Variants in ENTREP2 observed in about 807,000 individuals in gnomAD.
The protein encoded by ENTREP2 is endosomal transmembrane epsin interactor 2.
chr15:29,404,573 C>G, the ENTREP2 span, among the ~76,000 whole-genome samples: 1 of 151,756 alleles, frequency 6.6e-6, no homozygotes. Context: ...CCCCCACTCA[C>G]ACTCCCCAGC....
At chr15:29,612,995 G>A in the ENTREP2 span, among the ~76,000 whole-genome samples, 6 of 152,270 alleles carry the variant, frequency 3.9e-5, no homozygotes, top group East Asian at 1.9e-4. Flanking sequence ...GTGATGCTAC[G>A]ACCTGAATTT....
chr15:29,547,821 A>G, the ENTREP2 span, among the ~76,000 whole-genome samples: 1 of 152,238 alleles, frequency 6.6e-6, no homozygotes, highest in African/African-American at 2.4e-5. Context: ...CACAATAGCC[A>G]AGAGGTGGAA....
At chr15:29,576,275 G>A in the ENTREP2 span, among the ~76,000 whole-genome samples, 29 of 152,264 alleles carry the variant, frequency 1.9e-4, no homozygotes, top group African/African-American at 6.3e-4. Flanking sequence ...AACTGGACTT[G>A]TACTTACAAA....
the ENTREP2 span, among the ~76,000 whole-genome samples, chr15:29,661,451 G>A: frequency 1.2e-4 from 19 of 152,152 alleles, no homozygotes; most frequent in African/African-American, 3.1e-4. Flanking sequence ...TGCCCGCCTC[G>A]GCCTCCCAAA....
the ENTREP2 span, among the ~76,000 whole-genome samples, chr15:29,245,711 G>A: frequency 6.6e-6 from 1 of 151,896 alleles, no homozygotes; most frequent in Non-Finnish European, 1.5e-5. Flanking sequence ...AGAAATATAA[G>A]CAACTTATAA....
the ENTREP2 span, among the ~76,000 whole-genome samples, chr15:29,385,847 T>C: frequency 2.0e-5 from 3 of 152,128 alleles, no homozygotes; most frequent in Non-Finnish European, 2.9e-5. Flanking sequence ...CCCCATCCTG[T>C]GCCCATAAAA....
the ENTREP2 span, among the ~76,000 whole-genome samples, chr15:29,628,830 A>G: frequency 2.0e-5 from 3 of 152,172 alleles, no homozygotes; most frequent in East Asian, 5.8e-4. Context: ...ACTCACTGCA[A>G]CCTCTACCTC....
the ENTREP2 span, among the ~76,000 whole-genome samples, chr15:29,646,296 G>A: frequency 7.2e-5 from 11 of 152,302 alleles, no homozygotes; most frequent in East Asian, 1.4e-3. Flanking sequence ...TCACAAAGCT[G>A]ATATTGAGGT....
At chr15:29,198,811 T>C in the ENTREP2 span, among the ~76,000 whole-genome samples, 11 of 152,358 alleles carry the variant, frequency 7.2e-5, no homozygotes, top group African/African-American at 2.2e-4. Flanking sequence ...TTTACCACTA[T>C]AGTTTAGTTT....
the ENTREP2 span, among the ~76,000 whole-genome samples, chr15:29,581,414 C>T: frequency 6.6e-6 from 1 of 152,158 alleles, no homozygotes; most frequent in Non-Finnish European, 1.5e-5. Flanking sequence ...GGGCCACCCA[C>T]ATTATGGAGG....
chr15:29,595,623 G>A, the ENTREP2 span, among the ~76,000 whole-genome samples: 6 of 152,200 alleles, frequency 3.9e-5, no homozygotes, highest in African/African-American at 1.4e-4. Context: ...CTTCTTAAGA[G>A]CAGCTACACA....
the ENTREP2 span, among the ~76,000 whole-genome samples, chr15:29,207,403 G>A: frequency 2.4e-4 from 31 of 130,060 alleles, no homozygotes; most frequent in South Asian, 7.3e-3. Context: ...CGAAGAGCAA[G>A]AGAACAGATC....
the ENTREP2 span, among the ~76,000 whole-genome samples, chr15:29,593,047 A>G: frequency 2.0e-5 from 3 of 152,268 alleles, no homozygotes; most frequent in East Asian, 5.8e-4. Flanking sequence ...CCAGCCTCAG[A>G]TATTCATTAC....
the ENTREP2 span, among the ~76,000 whole-genome samples, chr15:29,131,143 G>T: frequency 0.022 from 3,336 of 152,282 alleles, 111 homozygotes; most frequent in African/African-American, 0.077. Flanking sequence ...ACTCCTGGGT[G>T]AGGCCAACCA....
At chr15:29,587,846 ACGGG>A in the ENTREP2 span, among the ~76,000 whole-genome samples, 1 of 152,014 alleles carries the variant, frequency 6.6e-6, no homozygotes, top group African/African-American at 2.4e-5. Context: ...TTTAGTAGAA[ACGGG>A]GTTTCACCAT....
chr15:29,629,498 C>T, the ENTREP2 span, among the ~76,000 whole-genome samples: 58 of 151,932 alleles, frequency 3.8e-4, no homozygotes, highest in African/African-American at 1.3e-3. Flanking sequence ...CTAGGTATAC[C>T]AAAATATATG....
the ENTREP2 span, among the ~76,000 whole-genome samples, chr15:29,338,071 A>G: frequency 5.9e-5 from 9 of 152,144 alleles, no homozygotes; most frequent in African/African-American, 2.2e-4. Context: ...ATCATCATAC[A>G]TGTACGTATA....
chr15:29,242,726 T>C, the ENTREP2 span, among the ~76,000 whole-genome samples: 1 of 152,182 alleles, frequency 6.6e-6, no homozygotes, highest in Admixed American at 6.5e-5. Flanking sequence ...CTTTGCCATG[T>C]AGCGAATGAT....
the ENTREP2 span, among the ~76,000 whole-genome samples, chr15:29,401,110 C>T: frequency 1.3e-5 from 2 of 152,182 alleles, no homozygotes; most frequent in African/African-American, 4.8e-5. Context: ...AGCTGACCTG[C>T]AAACCCAGAG....
Sources: allele counts gnomAD v4.1 joint callset (sites outside exome capture counted in the v4.1 genomes callset), GRCh38; gene constraint gnomAD v4.1.1; transcripts MANE v1.5; gene names NCBI Gene and HGNC (gene_info 2026-07-23, HGNC 2026-07-21).